Variants in DCX observed in about 807,000 individuals in gnomAD.
DCX encodes the protein neuronal migration protein doublecortin.
A neutral mutation model predicts 20.9 loss-of-function variants in DCX; 4 were observed. That is an observed-to-expected ratio of 0.19 (90% CI 0.09 to 0.44). The LOEUF is 0.44. Among genes scored for constraint, DCX ranks in the 20% least tolerant of loss-of-function variants. The probability of loss-of-function intolerance (pLI) is 0.99; values close to 1 mark genes in which losing one functional copy is unlikely to be tolerated. For missense variants in DCX, 133 were observed against 296.9 expected, an observed-to-expected ratio of 0.45 and a Z score of 4.06; for synonymous variants, 103 against 111.4, an observed-to-expected ratio of 0.92 and a Z score of 0.47.
chrX:111,362,392 C>A (rs1023346565), intron 3 of DCX, among the ~76,000 whole-genome samples: 1 of 110,638 alleles, frequency 9.0e-6, no homozygotes, highest in Non-Finnish European at 1.9e-5. Context: ...ACAAGAAATG[C>A]GCTAGTGTGT....
At chrX:111,370,127 T>A (rs1924958266) in intron 3 of DCX, among the ~76,000 whole-genome samples, 1 of 112,015 alleles carries the variant, frequency 8.9e-6, no homozygotes, top group African/African-American at 3.2e-5. Context: ...TATGCTTAGT[T>A]CCTGAAAATT....
At chrX:111,403,545 C>T (rs909392245) in intron 2 of DCX, among the ~76,000 whole-genome samples, 1 of 111,352 alleles carries the variant, frequency 9.0e-6, no homozygotes, top group Non-Finnish European at 1.9e-5. Flanking sequence ...ACATTTTAGT[C>T]ACTCCACTCT....
chrX:111,410,831 A>G (rs2147277520), intron 1 of DCX: 3 of 1,211,570 alleles, frequency 2.5e-6, no homozygotes, highest in South Asian at 1.8e-5. Context: ...ACATGCCCAC[A>G]TGACTAACAG....
rs952749950 is a variant in DCX, at chrX:111,295,445, C to T, written c.*6242G>A. The T allele has an allele frequency of 6.3e-5, 7 of 111,896 alleles. No individual in the cohort carries two copies. Among genetic ancestry groups the T allele is most frequent in the East Asian group, 2.8e-4 (1 of 3,584 alleles). 9.2% of individuals were successfully genotyped at this position (111,896 alleles called of 1,213,427 possible). On this transcript the variant is annotated 3_prime_UTR_variant, in exon 7 of 7. Coordinates refer to ENST00000636035, the MANE Select transcript of DCX (RefSeq NM_001195553.2). ...ATTATCTTTTCATTTAAATCAACTCCGATTGCCTACCAGTTTAGTTAAAAC... is the reference window on the plus strand; with the variant it reads ...ATTATCTTTTCATTTAAATCAACTCTGATTGCCTACCAGTTTAGTTAAAAC...
At chrX:111,407,958 GTTCAGTACTCT>G (rs1928341869) in intron 2 of DCX, among the ~76,000 whole-genome samples, 1 of 111,234 alleles carries the variant, frequency 9.0e-6, no homozygotes. Flanking sequence ...ATGTCACTTG[GTTCAGTACTCT>G]TTCCTAATGT....
chrX:111,371,102 A>G (rs1422640546), intron 3 of DCX, among the ~76,000 whole-genome samples: 1 of 112,286 alleles, frequency 8.9e-6, no homozygotes, highest in African/African-American at 3.2e-5. Flanking sequence ...AGTGTTCAAT[A>G]TTTGTTTAAC....
intron 3 of DCX, among the ~76,000 whole-genome samples, chrX:111,360,856 T>C (rs976834194): frequency 8.9e-6 from 1 of 112,368 alleles, no homozygotes; most frequent in African/African-American, 3.2e-5. Flanking sequence ...TGTGATTCAA[T>C]GTATTTAAGT....
At chrX:111,380,971 A>G (rs1349238214) in intron 3 of DCX, among the ~76,000 whole-genome samples, 2 of 110,635 alleles carry the variant, frequency 1.8e-5, no homozygotes, top group Admixed American at 9.7e-5. Context: ...TGACACCCCA[A>G]GAGGTTAAGT....
chrX:111,331,153 G>T, intron 4 of DCX, 112 bp from the exon 5 acceptor site: 1 of 901,433 alleles, frequency 1.1e-6, no homozygotes, highest in Non-Finnish European at 1.6e-6. Flanking sequence ...AATGGGTCAG[G>T]ACTACAATGT....
At chrX:111,361,231 A>C (rs1924181579) in intron 3 of DCX, among the ~76,000 whole-genome samples, 1 of 112,449 alleles carries the variant, frequency 8.9e-6, no homozygotes, top group Non-Finnish European at 1.9e-5. Context: ...GAGAACTTTT[A>C]CATATTCTCT....
intron 3 of DCX, among the ~76,000 whole-genome samples, chrX:111,389,482 G>C (rs1283043614): frequency 9.0e-6 from 1 of 111,607 alleles, no homozygotes; most frequent in African/African-American, 3.3e-5. Flanking sequence ...TCTCTCTTGA[G>C]TTCCAGATCC....
intron 3 of DCX, among the ~76,000 whole-genome samples, chrX:111,333,481 A>G (rs1418042514): frequency 9.0e-6 from 1 of 111,451 alleles, no homozygotes; most frequent in African/African-American, 3.3e-5. Context: ...CTTTTCTCAG[A>G]GCCTCAAAGA....
chrX:111,333,098 G>A lies in DCX; in HGVS notation c.761C>T (p.Pro254Leu). The A allele has an allele frequency of 8.3e-7, 1 of 1,210,892 alleles. No homozygotes were observed. Among genetic ancestry groups the A allele is most frequent in the Non-Finnish European group, 1.1e-6 (1 of 895,031 alleles). ...ATCCTGAGCATAGCGAAATTTTTCA[G>A]GACCACAGGCAATAAACACATCATC... is the stretch of plus-strand genomic sequence containing the variant. ...GDDDVFIACG[P>L]EKFRYAQDDF... The change falls in exon 4 of 7, where the codon CCT becomes CTT. Residue 254 changes from proline (P) to leucine (L), a missense_variant. Transcript: ENST00000636035.
At chrX:111,389,454 A>G (rs971707484) in intron 3 of DCX, among the ~76,000 whole-genome samples, 1 of 111,507 alleles carries the variant, frequency 9.0e-6, no homozygotes, top group Admixed American at 9.5e-5. Flanking sequence ...TCCCAAGCCT[A>G]TATCTCTAGC....
intron 3 of DCX, among the ~76,000 whole-genome samples, chrX:111,337,225 T>C (rs1346549437): frequency 8.9e-6 from 1 of 112,095 alleles, no homozygotes; most frequent in Non-Finnish European, 1.9e-5. Flanking sequence ...ATCAAAGGTC[T>C]TGCTGACATC....
intron 5 of DCX, among the ~76,000 whole-genome samples, chrX:111,316,086 T>TAA (rs754058802): frequency 0.054 from 2,750 of 50,552 alleles, 87 homozygotes; most frequent in Non-Finnish European, 0.079. Flanking sequence ...TAATAAAAAA[T>TAA]AAAAAAAAAA....
At chrX:111,345,979 T>A (rs1430027148) in intron 3 of DCX, among the ~76,000 whole-genome samples, 1 of 111,297 alleles carries the variant, frequency 9.0e-6, no homozygotes, top group Non-Finnish European at 1.9e-5. Flanking sequence ...TTGATTTGCA[T>A]TACTCTAATG....
chrX:111,388,944 A>T lies in DCX; in HGVS notation c.705+12046T>A, dbSNP rs1268416810. ...GTTACATGGGACATTTTAGCAACCA[A>T]CTACATATAAAACAAGAGTTAGCAA... is the stretch of plus-strand genomic sequence containing the variant. On this transcript the variant is annotated intron_variant, in intron 3 of 6. Transcript: ENST00000636035. Among the ~76,000 whole-genome samples, 4 of 111,946 alleles carry T rather than the reference A, an allele frequency of 3.6e-5. No homozygotes were observed. In the East Asian group the frequency reaches 1.1e-3, roughly 32 times the overall value.
At chrX:111,310,324 C>T (rs1376045131) in intron 6 of DCX, among the ~76,000 whole-genome samples, 1 of 110,026 alleles carries the variant, frequency 9.1e-6, no homozygotes, top group East Asian at 2.8e-4. Context: ...CAGAGCGAGA[C>T]TCCATCTCAA....
Sources: allele counts gnomAD v4.1 joint callset (sites outside exome capture counted in the v4.1 genomes callset), GRCh38; gene constraint gnomAD v4.1.1; transcripts MANE v1.5; gene names NCBI Gene and HGNC (gene_info 2026-07-23, HGNC 2026-07-21).